Variants in SLC39A11 observed in about 807,000 individuals in gnomAD.
The protein encoded by SLC39A11 is solute carrier family 39 member 11.
A neutral mutation model predicts 36.1 loss-of-function variants in SLC39A11; 33 were observed. The ratio of observed to expected loss-of-function variants is 0.91; its 90% CI spans 0.69 to 1.22. SLC39A11 has a LOEUF of 1.22. Among genes scored for constraint, SLC39A11 ranks in the 50% most tolerant of loss-of-function variants. The pLI is 0.00. For missense variants in SLC39A11, 432 were observed against 430.3 expected (o/e 1.00, Z -0.03); for synonymous variants, 166 against 170.3 (o/e 0.97, Z 0.20).
At chr17:72,992,414 T>A (rs554895889) in intron 4 of SLC39A11, among the ~76,000 whole-genome samples, 75 of 152,322 alleles carry the variant, frequency 4.9e-4, no homozygotes, top group African/African-American at 1.7e-3. Context: ...TTATTACCAG[T>A]GAAACTGGGC....
intron 7 of SLC39A11, among the ~76,000 whole-genome samples, chr17:72,681,470 T>G (rs1176952237): frequency 6.6e-6 from 1 of 152,162 alleles, no homozygotes; most frequent in Admixed American, 6.5e-5. Flanking sequence ...GAGAGACCAG[T>G]GGAGGCTGGT....
At chr17:72,788,867 C>G (rs975358757) in intron 6 of SLC39A11, among the ~76,000 whole-genome samples, 2 of 152,206 alleles carry the variant, frequency 1.3e-5, no homozygotes, top group Admixed American at 1.3e-4. Context: ...AGGTGACTGT[C>G]AGAAACCATG....
At chr17:73,066,671 A>C (rs2060005373) in intron 3 of SLC39A11, among the ~76,000 whole-genome samples, 1 of 152,190 alleles carries the variant, frequency 6.6e-6, no homozygotes, top group South Asian at 2.1e-4. Context: ...CTCAAGTTTC[A>C]TGGGCCAGGA....
At chr17:72,696,007 T>A (rs2072278213) in intron 7 of SLC39A11, among the ~76,000 whole-genome samples, 1 of 152,214 alleles carries the variant, frequency 6.6e-6, no homozygotes, top group Non-Finnish European at 1.5e-5. Context: ...AGGAGACTAA[T>A]GCAGGGGCAG....
chr17:73,029,340 G>A (rs1327453993), intron 4 of SLC39A11, among the ~76,000 whole-genome samples: 1 of 151,932 alleles, frequency 6.6e-6, no homozygotes, highest in Non-Finnish European at 1.5e-5. Context: ...GAGTAGAATG[G>A]GATCCAGCAG....
intron 5 of SLC39A11, among the ~76,000 whole-genome samples, chr17:72,883,078 G>A (rs958384573): frequency 6.6e-6 from 1 of 152,114 alleles, no homozygotes; most frequent in Non-Finnish European, 1.5e-5. Flanking sequence ...ATTACAGGCT[G>A]AGCCACCGTG....
At position 72,787,507 on chromosome 17, in the gene SLC39A11, T is replaced by C. The variant is rs376523668; in HGVS notation, c.602-50788A>G. On this transcript the variant is annotated intron_variant, in intron 6 of 9. Coordinates refer to ENST00000255559, the MANE Select transcript of SLC39A11 (RefSeq NM_139177.4). ...CTCCTGACCTCATGATCCGCCTGCCTTGGCCTCCCAAAGTGCTGGGATTAC... is the reference window on the plus strand; with the variant it reads ...CTCCTGACCTCATGATCCGCCTGCCCTGGCCTCCCAAAGTGCTGGGATTAC... Among the ~76,000 whole-genome samples the C allele has an allele frequency of 4.6e-5, 7 of 152,106 alleles. No individual in the cohort carries two copies. In the East Asian group the frequency reaches 1.2e-3, roughly 25 times the overall value.
chr17:72,917,004 GACCA>G (rs1321844074), intron 5 of SLC39A11, among the ~76,000 whole-genome samples: 2 of 152,312 alleles, frequency 1.3e-5, no homozygotes, highest in African/African-American at 4.8e-5. Flanking sequence ...GAAAGGAATG[GACCA>G]GTACAAACGT....
intron 4 of SLC39A11, among the ~76,000 whole-genome samples, chr17:72,985,181 A>G (rs1473025748): frequency 6.6e-6 from 1 of 152,234 alleles, no homozygotes; most frequent in Non-Finnish European, 1.5e-5. Flanking sequence ...CTCATGCTTA[A>G]GTGGCCTGGG....
rs569816900 is a variant in SLC39A11, at chr17:72,956,265, C to A, written c.307-8390G>T. On this transcript the variant is annotated intron_variant, in intron 4 of 9. Coordinates refer to ENST00000255559, the MANE Select transcript of SLC39A11 (RefSeq NM_139177.4). ...TCAAACTATCTTGTGAGAGACAAAA[C>A]CTTTTCCTAGTCCTGATGCCAAAGT... is the stretch of plus-strand genomic sequence containing the variant. Among the ~76,000 whole-genome samples the A allele has an allele frequency of 1.4e-4, 21 of 152,326 alleles. No individual in the cohort carries two copies. In the South Asian group the frequency reaches 4.1e-3, roughly 30 times the overall value.
At position 72,916,574 on chromosome 17, in the gene SLC39A11, C is replaced by T. The variant is rs192294113; in HGVS notation, c.430+31178G>A. On this transcript the variant is annotated intron_variant, in intron 5 of 9. Transcript: ENST00000255559. ...CACTGTAGGACCACCAGGCCTACAT[C>T]CTCCTTCTGTTTCACAAACCCTCTC... Among the ~76,000 whole-genome samples the T allele has an allele frequency of 2.2e-3, 335 of 152,264 alleles. 7 individuals carry two copies. Among genetic ancestry groups the T allele is most frequent in the Non-Finnish European group, 2.8e-4 (19 of 68,022 alleles).
chr17:73,070,827 C>T (rs186180517), intron 3 of SLC39A11, among the ~76,000 whole-genome samples: 102 of 152,318 alleles, frequency 6.7e-4, no homozygotes, highest in African/African-American at 2.4e-3. Flanking sequence ...CCATGTCAGA[C>T]ATGCCTTTCA....
At chr17:72,855,172 T>C (rs1386017901) in intron 5 of SLC39A11, among the ~76,000 whole-genome samples, 2 of 152,186 alleles carry the variant, frequency 1.3e-5, no homozygotes, top group South Asian at 2.1e-4. Context: ...TTTGAAATAA[T>C]TGTCGGGTCC....
At chr17:72,924,557 C>G (rs1012832634) in intron 5 of SLC39A11, among the ~76,000 whole-genome samples, 4 of 152,090 alleles carry the variant, frequency 2.6e-5, no homozygotes, top group African/African-American at 9.7e-5. Flanking sequence ...CACAGGGGAC[C>G]TAAAACAACT....
At position 73,014,669 on chromosome 17, in the gene SLC39A11, G is replaced by A. The variant is rs116183531; in HGVS notation, c.306+16887C>T. 1.0e-2 allele frequency among the ~76,000 whole-genome samples: 1,518 copies of A among 152,274 alleles called. 35 individuals are homozygous for A. The highest frequency in any genetic ancestry group is 0.034 in the African/African-American group (1,414 of 41,552). ...GAAACCCTTTCACAAAAAACCATGC[G>A]GATGGGCACATACAAGCAAACTGGG... On this transcript the variant is annotated intron_variant, in intron 4 of 9. Coordinates refer to ENST00000255559, the MANE Select transcript of SLC39A11 (RefSeq NM_139177.4).
At chr17:73,042,321 A>G (rs1214382617) in intron 3 of SLC39A11, among the ~76,000 whole-genome samples, 1 of 152,198 alleles carries the variant, frequency 6.6e-6, no homozygotes, top group Non-Finnish European at 1.5e-5. Flanking sequence ...TCACACCTCT[A>G]AAAAGGTACA....
chr17:72,782,712 A>AAC (rs2076362455), intron 6 of SLC39A11, among the ~76,000 whole-genome samples: 2 of 126,438 alleles, frequency 1.6e-5, no homozygotes, highest in Non-Finnish European at 1.7e-5. Flanking sequence ...AAAAAAAAAA[A>AAC]AAAGCAGGCC....
chr17:72,741,348 CT>C (rs2074692188), intron 6 of SLC39A11, among the ~76,000 whole-genome samples: 1 of 152,216 alleles, frequency 6.6e-6, no homozygotes, highest in Non-Finnish European at 1.5e-5. Context: ...AACACTGCAT[CT>C]TTACGTTTGC....
At chr17:72,791,945 C>A (rs543357435) in intron 6 of SLC39A11, among the ~76,000 whole-genome samples, 5 of 152,158 alleles carry the variant, frequency 3.3e-5, no homozygotes, top group African/African-American at 1.2e-4. Flanking sequence ...TACCCAGTCT[C>A]GGGCAGTTCT....
Sources: gnomAD v4.1 joint callset for allele counts (sites outside exome capture counted in the v4.1 genomes callset) on GRCh38, gnomAD v4.1.1 for gene constraint, MANE v1.5 for transcripts, NCBI Gene and HGNC (gene_info 2026-07-23, HGNC 2026-07-21) for gene names.